The following GAB1 variants were observed in gnomAD, a reference collection of about 807,000 sequenced individuals.
The protein encoded by GAB1 is GRB2 associated binding protein 1.
In GAB1, 19 loss-of-function variants were observed where a neutral mutation model predicts 66.5. The observed-to-expected ratio is 0.29, with a 90% CI of 0.20 to 0.42. The LOEUF is 0.42. Among genes scored for constraint, GAB1 ranks in the 10% least tolerant of loss-of-function variants. The pLI is 1.00. For synonymous variants in GAB1, 294 were observed against 301.4 expected (o/e 0.98, Z 0.25); for missense variants, 732 against 858.5 (o/e 0.85, Z 1.84).
intron 6 of GAB1, among the ~76,000 whole-genome samples, chr4:143,454,178 G>T (rs1379749894): frequency 6.6e-6 from 1 of 152,154 alleles, no homozygotes; most frequent in Non-Finnish European, 1.5e-5. Flanking sequence ...AAACACATCC[G>T]TATTCTTATG....
chr4:143,395,981 A>T (rs527812656), intron 1 of GAB1: 1 of 455,590 alleles, frequency 2.2e-6, no homozygotes, highest in South Asian at 1.6e-5. Flanking sequence ...GAGAGGGCAT[A>T]TGGATGAGGT....
intron 1 of GAB1, among the ~76,000 whole-genome samples, chr4:143,404,302 A>G (rs1731929362): frequency 6.6e-6 from 1 of 152,214 alleles, no homozygotes; most frequent in African/African-American, 2.4e-5. Flanking sequence ...TATTTAAGCA[A>G]CCATTTCCTT....
chr4:143,415,977 T>C (rs950528816), intron 2 of GAB1, among the ~76,000 whole-genome samples: 2 of 152,196 alleles, frequency 1.3e-5, no homozygotes, highest in East Asian at 3.8e-4. Context: ...CTTAGACATA[T>C]TGGGGCAGTT....
chr4:143,349,275 CT>C, intron 1 of GAB1: 1 of 1,065,438 alleles, frequency 9.4e-7, no homozygotes, highest in Non-Finnish European at 1.3e-6. Flanking sequence ...TATAAAAACC[CT>C]ACGTTGTAGC....
intron 6 of GAB1, among the ~76,000 whole-genome samples, chr4:143,440,949 T>A (rs1338302337): frequency 6.6e-6 from 1 of 152,214 alleles, no homozygotes; most frequent in East Asian, 1.9e-4. Flanking sequence ...TAATATCAAA[T>A]CAGACTTAAG....
At chr4:143,341,053 C>T (rs1227547431) in intron 1 of GAB1, among the ~76,000 whole-genome samples, 19 of 152,122 alleles carry the variant, frequency 1.2e-4, no homozygotes, top group Admixed American at 1.2e-3. Context: ...TTTCTATATT[C>T]GCAAAAGGTT....
intron 2 of GAB1, among the ~76,000 whole-genome samples, chr4:143,428,705 T>G (rs1307169901): frequency 6.6e-6 from 1 of 152,144 alleles, no homozygotes; most frequent in East Asian, 1.9e-4. Flanking sequence ...TAGAATATAA[T>G]GACAAATGTA....
rs758856530 is a variant in GAB1, at chr4:143,415,468, TGTTTC to T, written c.73-8_73-4del. ...TAATACTGAATGGATATTTTTGTTT[TGTTTC>T]TAGGCATGGAAGAGGAGATGGTTCG... On this transcript the variant is annotated splice_polypyrimidine_tract_variant and splice_region_variant and intron_variant, in intron 1 of 9. Transcript: ENST00000262994. 1.1e-5 allele frequency: 17 copies of T among 1,577,010 alleles called. No homozygotes were observed. In the South Asian group the frequency reaches 2.0e-4, roughly 18 times the overall value.
intron 1 of GAB1, among the ~76,000 whole-genome samples, chr4:143,366,510 A>T (rs895061158): frequency 2.0e-5 from 3 of 152,070 alleles, no homozygotes; most frequent in African/African-American, 7.2e-5. Flanking sequence ...GGGTGTTGGG[A>T]TTGCAAATAT....
chr4:143,440,096 G>A lies in GAB1; in HGVS notation c.1299G>A (p.Leu433=), dbSNP rs1734142214. ...FHNHFKVKNV[L]TVGSVSSEEL... is the part of the protein sequence containing the mutation. The stretch of plus-strand genomic sequence containing the variant: ...TGTTTTAGAAAGTCAAAAATGTGTT[G>A]ACAGTGGGAAGTGTTTCAAGTGAAG... Residue 433 remains leucine, a synonymous_variant, in exon 6 of 10, where the codon TTG becomes TTA. Transcript: ENST00000262994. 6.2e-7 allele frequency: 1 copy of A among 1,613,494 alleles called. No homozygotes were observed. The highest frequency in any genetic ancestry group is 8.5e-7 in the Non-Finnish European group (1 of 1,179,634).
intron 1 of GAB1, among the ~76,000 whole-genome samples, chr4:143,405,612 G>A (rs1464596637): frequency 6.6e-6 from 1 of 152,160 alleles, no homozygotes; most frequent in African/African-American, 2.4e-5. Flanking sequence ...TCAGGCAACA[G>A]TTATCACCCA....
chr4:143,425,016 T>C, intron 2 of GAB1: 1 of 721,180 alleles, frequency 1.4e-6, no homozygotes, highest in Non-Finnish European at 2.5e-6. Flanking sequence ...GGCGTTGTTC[T>C]GGATTCCCGT....
chr4:143,424,996 G>A, intron 2 of GAB1: 1 of 687,912 alleles, frequency 1.5e-6, no homozygotes, highest in Non-Finnish European at 2.6e-6. Context: ...ACCCACAGAG[G>A]GGTCCATACG....
At chr4:143,430,899 C>T (rs1242133676) in intron 2 of GAB1, among the ~76,000 whole-genome samples, 1 of 152,202 alleles carries the variant, frequency 6.6e-6, no homozygotes, top group African/African-American at 2.4e-5. Context: ...TAATTCAAAA[C>T]AATCCTTTAA....
chr4:143,346,995 T>C (rs1361750457), intron 1 of GAB1, among the ~76,000 whole-genome samples: 1 of 152,252 alleles, frequency 6.6e-6, no homozygotes, highest in Non-Finnish European at 1.5e-5. Flanking sequence ...AAATGTTGAC[T>C]GTTTCAAATG....
chr4:143,466,076 G>A lies in GAB1; in HGVS notation c.1804-27G>A, dbSNP rs375891787. 9.7e-5 allele frequency: 156 copies of A among 1,609,816 alleles called. 1 individual carries two copies. Among genetic ancestry groups the A allele is most frequent in the Middle Eastern group, 8.3e-4 (5 of 6,050 alleles). On this transcript the variant is annotated intron_variant, in intron 8 of 9. Coordinates refer to ENST00000262994, the MANE Select transcript of GAB1 (RefSeq NM_002039.4). The stretch of plus-strand genomic sequence containing the variant: ...TGGTATGTCTGGTGAATGTCTGACC[G>A]TTGATTTTGTTGTCTAATACTTTCA...
At chr4:143,354,916 C>G (rs1729382262) in intron 1 of GAB1, among the ~76,000 whole-genome samples, 1 of 152,248 alleles carries the variant, frequency 6.6e-6, no homozygotes, top group South Asian at 2.1e-4. Context: ...TGTTGAGAAG[C>G]CCATGCTTTT....
chr4:143,413,647 C>G (rs971287975), intron 1 of GAB1, among the ~76,000 whole-genome samples: 1 of 152,016 alleles, frequency 6.6e-6, no homozygotes, highest in Non-Finnish European at 1.5e-5. Context: ...TTGCTGTAGT[C>G]TCAAGTATTT....
intron 6 of GAB1, among the ~76,000 whole-genome samples, chr4:143,457,217 A>C (rs1735236681): frequency 6.6e-6 from 1 of 152,240 alleles, no homozygotes; most frequent in Non-Finnish European, 1.5e-5. Context: ...AAGTAATATT[A>C]CAAGGACGTA....
Sources: allele counts gnomAD v4.1 joint callset (sites outside exome capture counted in the v4.1 genomes callset), GRCh38; gene constraint gnomAD v4.1.1; transcripts MANE v1.5; gene names NCBI Gene and HGNC (gene_info 2026-07-23, HGNC 2026-07-21).